Variants in TXLNB observed in about 807,000 individuals in gnomAD.
TXLNB encodes the protein beta-taxilin.
TXLNB carries 37 observed loss-of-function variants against 57.4 expected under a neutral mutation model. That is an observed-to-expected ratio of 0.64 (90% confidence interval 0.50 to 0.85). The LOEUF (loss-of-function observed/expected upper bound fraction) is 0.85, where lower values mean the gene tolerates loss of function less well. Ranked by LOEUF, TXLNB falls within the 40% of genes least tolerant of loss-of-function variation. TXLNB has a pLI of 0.00. For missense variants in TXLNB, 848 were observed against 825.6 expected, an observed-to-expected ratio of 1.03 and a Z score of -0.33; for synonymous variants, 302 against 309.6, an observed-to-expected ratio of 0.98 and a Z score of 0.26.
intron 3 of TXLNB, among the ~76,000 whole-genome samples, chr6:139,274,785 T>C (rs1776852034): frequency 6.6e-6 from 1 of 152,040 alleles, no homozygotes; most frequent in South Asian, 2.1e-4. Context: ...CCCTCAAGTA[T>C]AGAACATGGC....
At chr6:139,289,042 AT>A (rs1777247640) in intron 1 of TXLNB, 129 bp from the exon 2 acceptor site, 1 of 568,984 alleles carries the variant, frequency 1.8e-6, no homozygotes, top group East Asian at 3.2e-5. Flanking sequence ...GAGAAAGGCA[AT>A]GTCCTTTCAC....
the TXLNB span, chr6:139,167,078 A>G: frequency 5.6e-6 from 9 of 1,614,064 alleles, no homozygotes; most frequent in East Asian, 2.2e-5. Flanking sequence ...CCTCACTCAC[A>G]TCCCCAGGCA....
At chr6:139,260,110 A>T (rs1318258940) in intron 6 of TXLNB, among the ~76,000 whole-genome samples, 1 of 152,112 alleles carries the variant, frequency 6.6e-6, no homozygotes. Flanking sequence ...CTGTAATCCC[A>T]GCTACTTGGG....
chr6:139,193,732 C>A, the TXLNB span, among the ~76,000 whole-genome samples: 1 of 151,110 alleles, frequency 6.6e-6, no homozygotes, highest in Admixed American at 6.6e-5. Flanking sequence ...CAGCTCACTG[C>A]AACCTCCACC....
intron 2 of TXLNB, among the ~76,000 whole-genome samples, chr6:139,287,551 T>C (rs1186393595): frequency 6.6e-6 from 1 of 152,184 alleles, no homozygotes; most frequent in Non-Finnish European, 1.5e-5. Flanking sequence ...ATTCTCCATC[T>C]AGCATGAGAG....
the TXLNB span, among the ~76,000 whole-genome samples, chr6:139,181,698 G>C: frequency 6.6e-6 from 1 of 152,170 alleles, no homozygotes; most frequent in Non-Finnish European, 1.5e-5. Flanking sequence ...GATCCCCTAA[G>C]GATAAGGGAG....
the TXLNB span, among the ~76,000 whole-genome samples, chr6:139,185,348 AAAC>A: frequency 6.6e-6 from 1 of 152,286 alleles, no homozygotes; most frequent in Non-Finnish European, 1.5e-5. Flanking sequence ...TAATATATGA[AAAC>A]AAATGAATTA....
At chr6:139,164,030 G>C in the TXLNB span, among the ~76,000 whole-genome samples, 3 of 151,018 alleles carry the variant, frequency 2.0e-5, no homozygotes, top group Non-Finnish European at 4.4e-5. Context: ...CCACATTGCT[G>C]TCCGTCAGCA....
At chr6:139,235,682 G>T (rs1180751963), downstream of TXLNB, among the ~76,000 whole-genome samples, 14 of 151,862 alleles carry the variant, frequency 9.2e-5, no homozygotes. Flanking sequence ...AGGGTCCCTG[G>T]TGAGGGCTGT....
At chr6:139,213,797 T>C in the TXLNB span, among the ~76,000 whole-genome samples, 1 of 151,922 alleles carries the variant, frequency 6.6e-6, no homozygotes. Context: ...AAAGGGGATA[T>C]CACCACCGAT....
chr6:139,167,437 G>A, the TXLNB span: 4 of 887,464 alleles, frequency 4.5e-6, no homozygotes, highest in Non-Finnish European at 6.8e-6. Flanking sequence ...TTTTGTTCTA[G>A]TCAGGTGCTA....
chr6:139,193,558 G>T, the TXLNB span, among the ~76,000 whole-genome samples: 2 of 151,490 alleles, frequency 1.3e-5, no homozygotes, highest in African/African-American at 2.4e-5. Context: ...GGCACTATCT[G>T]TATCTGGTCT....
chr6:139,167,337 A>C, the TXLNB span: 1 of 1,530,022 alleles, frequency 6.5e-7, no homozygotes, highest in Admixed American at 1.8e-5. Context: ...ATAGGTGTTA[A>C]TTCACCTTGC....
chr6:139,201,380 G>A, the TXLNB span, among the ~76,000 whole-genome samples: 1 of 152,128 alleles, frequency 6.6e-6, no homozygotes, highest in Non-Finnish European at 1.5e-5. Flanking sequence ...AGAGATGATA[G>A]ACAAATTCCC....
the TXLNB span, among the ~76,000 whole-genome samples, chr6:139,227,661 A>C: frequency 2.4e-4 from 37 of 152,370 alleles, no homozygotes; most frequent in Admixed American, 1.9e-3. Flanking sequence ...CGGAATAGAT[A>C]AGTTGTGGTA....
At chr6:139,181,104 ATAGTGT>A in the TXLNB span, among the ~76,000 whole-genome samples, 1 of 132,082 alleles carries the variant, frequency 7.6e-6, no homozygotes, top group African/African-American at 3.1e-5. Flanking sequence ...GATAGATAGT[ATAGTGT>A]TAAAGATTAG....
the TXLNB span, among the ~76,000 whole-genome samples, chr6:139,210,831 T>C: frequency 6.6e-6 from 1 of 152,210 alleles, no homozygotes; most frequent in South Asian, 2.1e-4. Flanking sequence ...ACCAGGAGAT[T>C]ATATCCCGCG....
chr6:139,294,177 A>G (rs1777350822), upstream of TXLNB, among the ~76,000 whole-genome samples: 1 of 152,220 alleles, frequency 6.6e-6, no homozygotes, highest in African/African-American at 2.4e-5. Flanking sequence ...GACTCAAATT[A>G]ATAACACTAC....
chr6:139,276,924 T>TA lies in TXLNB; in HGVS notation c.425-4dup, dbSNP rs66961117. On this transcript the variant is annotated splice_region_variant and splice_polypyrimidine_tract_variant and intron_variant, in intron 2 of 9. Transcript: ENST00000358430. ...CATTAGCAGGTTGGCTTCTTTGCCTTAAAAAAAAAAGACATGAAAAAAATA... is the reference window on the plus strand; with the variant it reads ...CATTAGCAGGTTGGCTTCTTTGCCTTAAAAAAAAAAAGACATGAAAAAAATA... The TA allele has an allele frequency of 8.8e-3, 11,905 of 1,348,256 alleles. No individual in the cohort carries two copies. The highest frequency in any genetic ancestry group is 0.011 in the Admixed American group (478 of 43,914). 83.5% of individuals were successfully genotyped at this position (1,348,256 alleles called of 1,614,324 possible).
Sources: gnomAD v4.1 joint callset for allele counts (sites outside exome capture counted in the v4.1 genomes callset) on GRCh38, gnomAD v4.1.1 for gene constraint, MANE v1.5 for transcripts, NCBI Gene and HGNC (gene_info 2026-07-23, HGNC 2026-07-21) for gene names.